Variants in TMEM132B observed in about 807,000 individuals in gnomAD.
TMEM132B encodes transmembrane protein 132B.
In TMEM132B, 18 loss-of-function variants were observed where a neutral mutation model predicts 90.8. The observed-to-expected ratio is 0.20, with a 90% CI of 0.14 to 0.29. The LOEUF (loss-of-function observed/expected upper bound fraction) is 0.29. Ranked by LOEUF, TMEM132B falls within the 10% of genes least tolerant of loss-of-function variation. TMEM132B has a pLI of 1.00. For missense variants in TMEM132B, 1,096 were observed against 1,326.8 expected, an observed-to-expected ratio of 0.83 and a Z score of 2.70; for synonymous variants, 504 against 523.3, an observed-to-expected ratio of 0.96 and a Z score of 0.50.
chr12:125,639,328 T>G lies in TMEM132B; in HGVS notation c.1438-4748T>G, dbSNP rs575060474. Among the ~76,000 whole-genome samples, 40 of 152,374 alleles carry G rather than the reference T, an allele frequency of 2.6e-4. 1 individual carries two copies. In the South Asian group the frequency reaches 8.3e-3, roughly 32 times the overall value. Reference sequence around the variant, plus strand: ...GAAATCACTTTCACTTTTCTTAATGTCATTACCATGATAACCTTGTGTAAG... The same window carrying G: ...GAAATCACTTTCACTTTTCTTAATGGCATTACCATGATAACCTTGTGTAAG... On this transcript the variant is annotated intron_variant, in intron 5 of 8. Transcript: ENST00000682704.
At chr12:125,563,891 G>T (rs1003973128) in intron 4 of TMEM132B, among the ~76,000 whole-genome samples, 1 of 152,182 alleles carries the variant, frequency 6.6e-6, no homozygotes, top group African/African-American at 2.4e-5. Context: ...GCTGAAAGAG[G>T]CAAGAGAGCT....
chr12:125,437,193 C>T (rs543239841), intron 3 of TMEM132B, among the ~76,000 whole-genome samples: 6 of 152,286 alleles, frequency 3.9e-5, no homozygotes, highest in South Asian at 4.1e-4. Context: ...AGAGTGACCC[C>T]GCTCCTCCCA....
intron 1 of TMEM132B, among the ~76,000 whole-genome samples, chr12:125,194,432 C>T (rs565334086): frequency 8.5e-5 from 13 of 152,250 alleles, no homozygotes; most frequent in African/African-American, 2.9e-4. Context: ...AAAATACTGC[C>T]GTGGCTGCAG....
At chr12:125,401,173 G>A (rs527552432) in intron 2 of TMEM132B, among the ~76,000 whole-genome samples, 5 of 152,114 alleles carry the variant, frequency 3.3e-5, no homozygotes, top group Admixed American at 1.3e-4. Flanking sequence ...TCTCATATTC[G>A]TGGGACATCC....
chr12:125,280,566 A>G (rs1475827981), intron 1 of TMEM132B, among the ~76,000 whole-genome samples: 1 of 152,160 alleles, frequency 6.6e-6, no homozygotes. Context: ...CCTCCCCTGG[A>G]CCTAGGCTGC....
intron 1 of TMEM132B, among the ~76,000 whole-genome samples, chr12:125,215,156 G>C (rs993128896): frequency 6.6e-6 from 1 of 152,108 alleles, no homozygotes; most frequent in African/African-American, 2.4e-5. Context: ...CTCTTCCTTC[G>C]AACCATCATT....
chr12:125,560,838 A>G (rs1266268509), intron 4 of TMEM132B, among the ~76,000 whole-genome samples: 5 of 145,206 alleles, frequency 3.4e-5, no homozygotes, highest in Admixed American at 1.4e-4. Context: ...TCTCAAAAAA[A>G]AAAAAAAAAA....
chr12:125,622,869 C>T (rs891299860), intron 5 of TMEM132B, among the ~76,000 whole-genome samples: 2 of 152,150 alleles, frequency 1.3e-5, no homozygotes, highest in African/African-American at 4.8e-5. Context: ...ATAAACATTT[C>T]TTTTCTAAAA....
intron 4 of TMEM132B, among the ~76,000 whole-genome samples, chr12:125,528,086 G>A (rs565383105): frequency 1.5e-4 from 23 of 152,170 alleles, no homozygotes; most frequent in South Asian, 4.2e-4. Context: ...CATCTGTATC[G>A]TCTTTTTGCC....
At chr12:125,555,189 G>A (rs931692352) in intron 4 of TMEM132B, among the ~76,000 whole-genome samples, 1 of 152,130 alleles carries the variant, frequency 6.6e-6, no homozygotes, top group Non-Finnish European at 1.5e-5. Context: ...TTGTTTGGGG[G>A]TTGATGTTAC....
At chr12:125,493,850 G>A (rs957930699) in intron 3 of TMEM132B, among the ~76,000 whole-genome samples, 20 of 52,258 alleles carry the variant, frequency 3.8e-4, no homozygotes, top group East Asian at 2.3e-3. Context: ...CCTCCTCCCC[G>A]TCCTCCCTGG....
At chr12:125,397,200 T>C (rs1020140121) in intron 2 of TMEM132B, among the ~76,000 whole-genome samples, 10 of 152,246 alleles carry the variant, frequency 6.6e-5, no homozygotes, top group Admixed American at 3.9e-4. Flanking sequence ...CTCCATCTCC[T>C]GACCTCGTGA....
At chr12:125,193,082 G>A (rs1872834554) in intron 1 of TMEM132B, among the ~76,000 whole-genome samples, 1 of 152,206 alleles carries the variant, frequency 6.6e-6, no homozygotes, top group African/African-American at 2.4e-5. Flanking sequence ...AGGAAAGGAG[G>A]CAAGAAAGGA....
At chr12:125,477,961 C>CCCAGGCAAACAGGGTCTGAAGTGGA (rs1881932237) in intron 3 of TMEM132B, among the ~76,000 whole-genome samples, 1 of 152,172 alleles carries the variant, frequency 6.6e-6, no homozygotes, top group Non-Finnish European at 1.5e-5. Flanking sequence ...ACTGTTGGTA[C>CCCAGGCAAACAGGGTCTGAAGTGGA]CCAGGCAAAC....
chr12:125,453,968 A>G (rs1257969723), intron 3 of TMEM132B, among the ~76,000 whole-genome samples: 1 of 152,148 alleles, frequency 6.6e-6, no homozygotes, highest in Non-Finnish European at 1.5e-5. Context: ...TCCTAGGAAC[A>G]GGGCCAGACT....
chr12:125,527,105 T>C (rs548608768), intron 4 of TMEM132B, among the ~76,000 whole-genome samples: 159 of 114,214 alleles, frequency 1.4e-3, no homozygotes, highest in African/African-American at 5.2e-3. Flanking sequence ...CACCCTTCCA[T>C]CCACCCATCC....
At chr12:125,282,027 CAAAAAAAAAAAAAAAAAAA>C (rs869083244) in intron 1 of TMEM132B, among the ~76,000 whole-genome samples, 1 of 16,088 alleles carries the variant, frequency 6.2e-5, no homozygotes, top group Non-Finnish European at 1.1e-4. Flanking sequence ...GACTCCGTCT[CAAAAAAAAAAAAAAAAAAA>C]AAAAAAAAAA....
intron 1 of TMEM132B, among the ~76,000 whole-genome samples, chr12:125,223,677 C>A: frequency 6.6e-6 from 1 of 152,210 alleles, no homozygotes; most frequent in Non-Finnish European, 1.5e-5. Flanking sequence ...TACCCCCAGC[C>A]CTCGCCAGCC....
At chr12:125,220,928 G>C (rs2136073830) in intron 1 of TMEM132B, among the ~76,000 whole-genome samples, 1 of 152,362 alleles carries the variant, frequency 6.6e-6, no homozygotes, top group South Asian at 2.1e-4. Context: ...TGTTGTCCCA[G>C]AGAGGCCCAG....
Sources: gnomAD v4.1 joint callset for allele counts (sites outside exome capture counted in the v4.1 genomes callset) on GRCh38, gnomAD v4.1.1 for gene constraint, MANE v1.5 for transcripts, NCBI Gene and HGNC (gene_info 2026-07-23, HGNC 2026-07-21) for gene names.